Variants in OCA2 observed in about 807,000 individuals in gnomAD.
OCA2 encodes the protein P protein.
In OCA2, 77 loss-of-function variants were observed where a neutral mutation model predicts 100.2. The ratio of observed to expected loss-of-function variants is 0.77; its 90% CI spans 0.64 to 0.93. The LOEUF (loss-of-function observed/expected upper bound fraction) is 0.93. OCA2 is among the 40% of genes least tolerant of loss of function. The pLI is 0.00. For synonymous variants in OCA2, 432 were observed against 439.2 expected, an observed-to-expected ratio of 0.98 and a Z score of 0.21; for missense variants, 1,062 against 1,089.1, an observed-to-expected ratio of 0.98 and a Z score of 0.35.
At chr15:28,058,831 A>G (rs935864609) in intron 2 of OCA2, among the ~76,000 whole-genome samples, 11 of 152,202 alleles carry the variant, frequency 7.2e-5, no homozygotes, top group African/African-American at 2.7e-4. Flanking sequence ...CCCAGAGCCC[A>G]GTCCAGGGGG....
intron 2 of OCA2, among the ~76,000 whole-genome samples, chr15:28,034,296 A>T (rs997102698): frequency 2.6e-5 from 4 of 152,122 alleles, no homozygotes; most frequent in Admixed American, 2.6e-4. Context: ...TAAAAAAAGA[A>T]ACAAAAATCC....
chr15:27,735,588 CA>C, the OCA2 span, among the ~76,000 whole-genome samples: 1 of 151,782 alleles, frequency 6.6e-6, no homozygotes, highest in Non-Finnish European at 1.5e-5. Flanking sequence ...AAAACCAAAA[CA>C]AAGACAAGAT....
intron 12 of OCA2, among the ~76,000 whole-genome samples, chr15:27,985,450 G>C (rs901671799): frequency 6.6e-6 from 1 of 152,098 alleles, no homozygotes; most frequent in Non-Finnish European, 1.5e-5. Context: ...TGGTTAATTT[G>C]TCACAAGGTG....
chr15:27,873,402 A>G (rs1410142156), intron 19 of OCA2, among the ~76,000 whole-genome samples: 2 of 152,254 alleles, frequency 1.3e-5, no homozygotes, highest in East Asian at 3.8e-4. Context: ...ACTGTTAAAG[A>G]ACGAATAATT....
chr15:27,816,804 G>T (rs780766685), intron 23 of OCA2, among the ~76,000 whole-genome samples: 2 of 152,028 alleles, frequency 1.3e-5, no homozygotes, highest in Non-Finnish European at 2.9e-5. Context: ...TGGCCTATAG[G>T]AGCAGGAGGC....
At chr15:27,901,747 A>G (rs2037943488) in intron 19 of OCA2, among the ~76,000 whole-genome samples, 1 of 152,254 alleles carries the variant, frequency 6.6e-6, no homozygotes. Flanking sequence ...AACATTGCAC[A>G]GATTTTTAAA....
At chr15:27,908,872 A>G (rs1313167180) in intron 19 of OCA2, among the ~76,000 whole-genome samples, 1 of 152,226 alleles carries the variant, frequency 6.6e-6, no homozygotes, top group Non-Finnish European at 1.5e-5. Flanking sequence ...AATTGTTTGC[A>G]TAAACAGTCT....
intron 22 of OCA2, among the ~76,000 whole-genome samples, chr15:27,847,432 G>C (rs1470262373): frequency 6.6e-6 from 1 of 152,168 alleles, no homozygotes; most frequent in African/African-American, 2.4e-5. Context: ...TGATGACGAA[G>C]GCAAAGGCTA....
At chr15:27,902,041 A>C (rs1376664505) in intron 19 of OCA2, among the ~76,000 whole-genome samples, 1 of 152,216 alleles carries the variant, frequency 6.6e-6, no homozygotes, top group Non-Finnish European at 1.5e-5. Context: ...TCATAAAATG[A>C]AAGGATTTGA....
chr15:27,949,615 A>G (rs986722476), intron 18 of OCA2, among the ~76,000 whole-genome samples: 1 of 152,170 alleles, frequency 6.6e-6, no homozygotes, highest in Non-Finnish European at 1.5e-5. Context: ...CTGAGTTGAG[A>G]TTGTGCCACT....
chr15:28,020,084 G>A (rs992459073), intron 6 of OCA2, among the ~76,000 whole-genome samples: 1 of 151,968 alleles, frequency 6.6e-6, no homozygotes, highest in African/African-American at 2.4e-5. Flanking sequence ...ATCCAAATTC[G>A]AAGGCCACAC....
At chr15:27,803,778 T>G (rs1270893231) in intron 23 of OCA2, among the ~76,000 whole-genome samples, 1 of 152,154 alleles carries the variant, frequency 6.6e-6, no homozygotes, top group East Asian at 1.9e-4. Context: ...AACAGTGAGA[T>G]AGCATTCACA....
chr15:28,043,308 G>A lies in OCA2; in HGVS notation c.228-11145C>T, dbSNP rs1425194823. ...AATTCAACAGAGAGACGGAGAGGTG[G>A]TAGGGTAGTGCCTGAGCCCAGTGAG... On this transcript the variant is annotated intron_variant, in intron 2 of 23. Coordinates refer to ENST00000354638, the MANE Select transcript of OCA2 (RefSeq NM_000275.3). This position sits in a 1 kb window ranked among gnomAD's most constrained non-coding sequence, Gnocchi z 4.4. Among the ~76,000 whole-genome samples the A allele has an allele frequency of 2.6e-5, 4 of 152,180 alleles. No homozygotes were observed. The highest frequency in any genetic ancestry group is 9.7e-5 in the African/African-American group (4 of 41,448).
At chr15:27,754,382 C>T (rs1014095848), downstream of OCA2, among the ~76,000 whole-genome samples, 3 of 152,160 alleles carry the variant, frequency 2.0e-5, no homozygotes, top group East Asian at 1.9e-4. Flanking sequence ...TGAAGTCAGA[C>T]GCTTGACACA....
the OCA2 span, among the ~76,000 whole-genome samples, chr15:27,725,123 A>G: frequency 2.0e-5 from 3 of 152,210 alleles, no homozygotes; most frequent in Non-Finnish European, 1.5e-5. Flanking sequence ...CAGAGTGGGC[A>G]GTGGGAGACA....
chr15:28,031,418 G>T (rs1355086570), intron 3 of OCA2, among the ~76,000 whole-genome samples: 1 of 152,244 alleles, frequency 6.6e-6, no homozygotes, highest in Non-Finnish European at 1.5e-5. Context: ...CGGTTTGTTT[G>T]CAGAAAGAAA....
At chr15:27,904,562 G>A (rs901835397) in intron 19 of OCA2, among the ~76,000 whole-genome samples, 6 of 152,080 alleles carry the variant, frequency 3.9e-5, no homozygotes, top group South Asian at 2.1e-4. Context: ...CTGGAGACAC[G>A]AGCTGACACA....
intron 19 of OCA2, among the ~76,000 whole-genome samples, chr15:27,923,175 T>C (rs571415640): frequency 6.6e-6 from 1 of 152,326 alleles, no homozygotes; most frequent in African/African-American, 2.4e-5. Flanking sequence ...TAGTGTTCCA[T>C]GGTGTATATG....
At chr15:27,999,668 T>C (rs1030157944) in intron 9 of OCA2, among the ~76,000 whole-genome samples, 3 of 152,196 alleles carry the variant, frequency 2.0e-5, no homozygotes, top group African/African-American at 4.8e-5. Flanking sequence ...TTGGAAAGGA[T>C]GAAGTTAAAC....
Sources: gnomAD v4.1 joint callset for allele counts (sites outside exome capture counted in the v4.1 genomes callset) on GRCh38, gnomAD v4.1.1 for gene constraint, Gnocchi (gnomAD v3.1) non-coding constraint, MANE v1.5 for transcripts, NCBI Gene and HGNC (gene_info 2026-07-23, HGNC 2026-07-21) for gene names.